The following SEMA5B variants were observed in gnomAD, a reference collection of about 807,000 sequenced individuals.
SEMA5B encodes the protein semaphorin 5B.
In SEMA5B, 66 loss-of-function variants were observed where a neutral mutation model predicts 135.0. The ratio of observed to expected loss-of-function variants is 0.49; its 90% CI spans 0.40 to 0.60. The LOEUF (loss-of-function observed/expected upper bound fraction) is 0.60, where lower values mean the gene tolerates loss of function less well. Ranked by LOEUF, SEMA5B falls within the 20% of genes least tolerant of loss-of-function variation. The pLI is 0.00. For synonymous variants in SEMA5B, 690 were observed against 639.5 expected (o/e 1.08, Z -1.19); for missense variants, 1,501 against 1,566.3 (o/e 0.96, Z 0.70).
chr3:122,916,275 G>C (rs1433210355), intron 12 of SEMA5B, among the ~76,000 whole-genome samples: 1 of 152,112 alleles, frequency 6.6e-6, no homozygotes, highest in African/African-American at 2.4e-5. Context: ...TGGTTAACAG[G>C]AACCCAAAGA....
chr3:122,960,530 T>G (rs545826296), intron 2 of SEMA5B, among the ~76,000 whole-genome samples: 1 of 152,226 alleles, frequency 6.6e-6, no homozygotes, highest in Non-Finnish European at 1.5e-5. Flanking sequence ...CACATGTTCA[T>G]AGTAGCATTA....
intron 1 of SEMA5B, among the ~76,000 whole-genome samples, chr3:122,990,435 T>TAGCAGCAGCAGC (rs745521177): frequency 2.0e-5 from 3 of 151,748 alleles, no homozygotes; most frequent in Non-Finnish European, 2.9e-5. Flanking sequence ...GGAGAGGGTG[T>TAGCAGCAGCAGC]AGCAGCAGCA....
At chr3:122,976,925 G>A (rs370198235) in intron 1 of SEMA5B, among the ~76,000 whole-genome samples, 9 of 152,100 alleles carry the variant, frequency 5.9e-5, no homozygotes, top group Non-Finnish European at 1.3e-4. Context: ...TGGCACGCAC[G>A]TGTAATCCCA....
intron 5 of SEMA5B, among the ~76,000 whole-genome samples, chr3:122,935,686 C>CTTTCTTT (rs1939233868): frequency 5.7e-5 from 4 of 70,268 alleles, no homozygotes; most frequent in Non-Finnish European, 1.1e-4. Context: ...TTCTTTCTTT[C>CTTTCTTT]TTTTTTTTTT....
At chr3:122,924,750 C>G (rs1938538725) in intron 9 of SEMA5B, among the ~76,000 whole-genome samples, 1 of 152,140 alleles carries the variant, frequency 6.6e-6, no homozygotes, top group African/African-American at 2.4e-5. Context: ...CACATATTCC[C>G]TCAGGCTGGA....
chr3:122,970,730 G>A (rs1190129902), intron 1 of SEMA5B, among the ~76,000 whole-genome samples: 1 of 152,214 alleles, frequency 6.6e-6, no homozygotes, highest in African/African-American at 2.4e-5. Flanking sequence ...TTACTGCTGA[G>A]GATCTAAGGC....
At chr3:122,976,848 G>A (rs548593414) in intron 1 of SEMA5B, among the ~76,000 whole-genome samples, 6 of 152,232 alleles carry the variant, frequency 3.9e-5, no homozygotes, top group East Asian at 1.9e-4. Context: ...TCAGGAGTTC[G>A]AGACCAGCCT....
Position 122,911,903 on chromosome 3 carries a change from C to A in SEMA5B, c.3046+17G>T. 6.3e-7 allele frequency: 1 copy of A among 1,585,160 alleles called. No homozygotes were observed. The highest frequency in any genetic ancestry group is 1.1e-5 in the South Asian group (1 of 87,956). ...GCTGGGAAGGGTTGCTGCGCAGGTG[C>A]TGGCAGGGGTACCTACCGGGAATCT... On this transcript the variant is annotated intron_variant, in intron 20 of 22. Coordinates refer to ENST00000357599, the MANE Select transcript of SEMA5B (RefSeq NM_001031702.4).
chr3:122,911,531 G>C lies in SEMA5B; in HGVS notation c.3051C>G (p.Ile1017Met), dbSNP rs761043073. The C allele has an allele frequency of 6.2e-7, 1 of 1,609,938 alleles. No homozygotes were observed. The highest frequency in any genetic ancestry group is 1.1e-5 in the South Asian group (1 of 89,726). Residue 1017 changes from isoleucine to methionine, a missense_variant, in exon 21 of 23, where the codon ATC becomes ATG. Physicochemically the swap from Ile to Met is conservative, Grantham distance 10. Transcript: ENST00000357599. ...CCTCCTCCATGCTGGAGGCTGGCAGGATGACTGCAGGAAGACCAGTGGACA... is the reference window on the plus strand; with the variant it reads ...CCTCCTCCATGCTGGAGGCTGGCAGCATGACTGCAGGAAGACCAGTGGACA... ...RPCPYSEIPV[I>M]LPASSMEEAT...
At chr3:122,983,718 A>G (rs111283681) in intron 1 of SEMA5B, among the ~76,000 whole-genome samples, 35 of 13,074 alleles carry the variant, frequency 2.7e-3, no homozygotes, top group East Asian at 0.014. Flanking sequence ...ACTCGTCTCA[A>G]AAAAAAAAAA....
chr3:122,924,394 C>T (rs1938519309), intron 9 of SEMA5B, among the ~76,000 whole-genome samples: 1 of 152,182 alleles, frequency 6.6e-6, no homozygotes. Flanking sequence ...CTCTCCACCT[C>T]TGCCTGGTTT....
At chr3:123,026,628 G>T (rs1408659591) in intron 1 of SEMA5B, among the ~76,000 whole-genome samples, 2 of 152,082 alleles carry the variant, frequency 1.3e-5, no homozygotes, top group Non-Finnish European at 2.9e-5. Flanking sequence ...GCGGGTCCCC[G>T]ATCCCCTCTC....
intron 1 of SEMA5B, among the ~76,000 whole-genome samples, chr3:123,026,943 C>A (rs555230480): frequency 3.2e-4 from 48 of 152,268 alleles, no homozygotes; most frequent in Non-Finnish European, 6.2e-4. Context: ...AGAATCCGGG[C>A]GGCGGCTCCG....
Position 122,948,705 on chromosome 3 carries a change from A to G in SEMA5B, c.129T>C (p.Leu43=), listed in dbSNP as rs771723490. 1.4e-4 allele frequency: 225 copies of G among 1,594,350 alleles called. No individual in the cohort carries two copies. The highest frequency in any genetic ancestry group is 1.9e-4 in the Non-Finnish European group (220 of 1,166,040). Residue 43 remains leucine (L), a synonymous_variant, in exon 3 of 23, where the codon CTT becomes CTC. Coordinates refer to ENST00000357599, the MANE Select transcript of SEMA5B (RefSeq NM_001031702.4). ...GGWLLSLVRG[L]LPCLPPGART... ...TAGCTCCGGGAGGCAGACAGGGGAG[A>G]AGACCTGCAACGTAAACACTCAGTC... is the stretch of plus-strand genomic sequence containing the variant.
At chr3:122,982,869 C>T (rs1335218247) in intron 1 of SEMA5B, among the ~76,000 whole-genome samples, 3 of 152,230 alleles carry the variant, frequency 2.0e-5, no homozygotes, top group Non-Finnish European at 4.4e-5. Flanking sequence ...TGTTCGGCTG[C>T]CCTGGTCACC....
intron 17 of SEMA5B, 27 bp downstream of exon 17, chr3:122,913,172 A>C (rs1317382322): frequency 6.6e-7 from 1 of 1,525,200 alleles, no homozygotes; most frequent in African/African-American, 1.4e-5. Flanking sequence ...GGGAGAGAGG[A>C]AGGAGGGGGC....
At chr3:122,968,735 C>T (rs1576376343) in intron 1 of SEMA5B, among the ~76,000 whole-genome samples, 1 of 152,176 alleles carries the variant, frequency 6.6e-6, no homozygotes, top group African/African-American at 2.4e-5. Flanking sequence ...GGTAGCTTTA[C>T]TCCAGCCACA....
In SEMA5B at chr3:122,928,577, G is replaced by A. The variant is rs151311469; in HGVS notation, c.576C>T (p.Ala192=). Residue 192 remains alanine (A), a synonymous_variant, in exon 7 of 23, where the codon GCC becomes GCT. Coordinates refer to ENST00000357599, the MANE Select transcript of SEMA5B (RefSeq NM_001031702.4). ...TTCCACACATGAACACCTTCCGGCC[G>A]GCGACGATCAGGACTCGCACGTAGT... ...CQNYVRVLIV[A]GRKVFMCGTN... 8.0e-5 allele frequency: 125 copies of A among 1,563,694 alleles called. No individual in the cohort carries two copies. In the African/African-American group the frequency reaches 1.2e-3, roughly 15 times the overall value.
At chr3:123,004,437 G>T (rs1560435186) in intron 1 of SEMA5B, among the ~76,000 whole-genome samples, 1 of 152,158 alleles carries the variant, frequency 6.6e-6, no homozygotes, top group Non-Finnish European at 1.5e-5. Context: ...ATTAATTAAG[G>T]TTTCTAACAT....
Sources: gnomAD v4.1 joint callset for allele counts (sites outside exome capture counted in the v4.1 genomes callset) on GRCh38, gnomAD v4.1.1 for gene constraint, MANE v1.5 for transcripts, NCBI Gene and HGNC (gene_info 2026-07-23, HGNC 2026-07-21) for gene names.